RAB14: variants seen among roughly 807,000 people sequenced by gnomAD.
The protein encoded by RAB14 is ras-related protein Rab-14.
RAB14 carries 3 observed loss-of-function variants against 31.1 expected under a neutral mutation model. The observed-to-expected ratio is 0.10, with a 90% CI of 0.04 to 0.25. RAB14 has a LOEUF of 0.25. Among genes scored for constraint, RAB14 ranks in the 10% least tolerant of loss-of-function variants. RAB14 has a pLI of 1.00. For missense variants in RAB14, 111 were observed against 260.1 expected, an observed-to-expected ratio of 0.43 and a Z score of 3.94; for synonymous variants, 85 against 84.9, an observed-to-expected ratio of 1.00 and a Z score of 0.00.
intron 1 of RAB14, among the ~76,000 whole-genome samples, chr9:121,194,594 T>C (rs1350647724): frequency 3.3e-5 from 5 of 152,090 alleles, no homozygotes; most frequent in African/African-American, 9.7e-5. Flanking sequence ...AAATTATTTA[T>C]ACATATAAAG....
chr9:121,183,480 C>G, intron 5 of RAB14, 82 bp from the exon 6 acceptor site: 2 of 1,112,468 alleles, frequency 1.8e-6, no homozygotes, highest in East Asian at 2.4e-5. Flanking sequence ...ATCCAAAAAT[C>G]TTGATAGAAA....
chr9:121,195,833 T>C (rs1019204459), intron 1 of RAB14, among the ~76,000 whole-genome samples: 4 of 152,180 alleles, frequency 2.6e-5, no homozygotes, highest in African/African-American at 9.6e-5. Flanking sequence ...CTTCCCTTTC[T>C]TATTCTAAGA....
At chr9:121,198,142 T>C (rs981623945) in intron 1 of RAB14, among the ~76,000 whole-genome samples, 1 of 152,258 alleles carries the variant, frequency 6.6e-6, no homozygotes. Flanking sequence ...CTTTTCTTTA[T>C]ATATCCCTGC....
chr9:121,193,759 T>C (rs2053699060), intron 1 of RAB14, among the ~76,000 whole-genome samples: 1 of 152,152 alleles, frequency 6.6e-6, no homozygotes, highest in South Asian at 2.1e-4. Flanking sequence ...AAAATCTTTA[T>C]AAATTTAAGT....
Position 121,198,764 on chromosome 9 carries a change from C to T in RAB14, c.-8+2875G>A, listed in dbSNP as rs1214619353. Reference sequence around the variant, plus strand: ...AAAAAGACAACACTGTCTCTGCCTTCGTGGAACTCAACAACAGAAGCATGC... The same window carrying T: ...AAAAAGACAACACTGTCTCTGCCTTTGTGGAACTCAACAACAGAAGCATGC... On this transcript the variant is annotated intron_variant, in intron 1 of 7. Coordinates refer to ENST00000373840, the MANE Select transcript of RAB14 (RefSeq NM_016322.4). Among the ~76,000 whole-genome samples, 5 of 152,294 alleles carry T rather than the reference C, an allele frequency of 3.3e-5. No homozygotes were observed. In the East Asian group the frequency reaches 9.6e-4, roughly 29 times the overall value.
chr9:121,188,639 A>C (rs756555607), intron 4 of RAB14, among the ~76,000 whole-genome samples: 5 of 151,948 alleles, frequency 3.3e-5, no homozygotes, highest in African/African-American at 4.8e-5. Context: ...CCCTGTAACA[A>C]TGAGAGTTAA....
At chr9:121,194,337 C>G (rs555004069) in intron 1 of RAB14, among the ~76,000 whole-genome samples, 3 of 152,240 alleles carry the variant, frequency 2.0e-5, no homozygotes, top group African/African-American at 7.2e-5. Flanking sequence ...AATTTGAAAG[C>G]TTGTGTATTA....
In RAB14 at chr9:121,180,584, T is replaced by C. The variant is rs1216628763; in HGVS notation, c.*812A>G. Reference sequence around the variant, plus strand: ...TACTTGTGAACTGCAGTTGTGTCTATTTCTTTGTGTGAAATGGAAGGGAGT... The same window carrying C: ...TACTTGTGAACTGCAGTTGTGTCTACTTCTTTGTGTGAAATGGAAGGGAGT... On this transcript the variant is annotated 3_prime_UTR_variant, in exon 8 of 8. Transcript: ENST00000373840. 2 of 152,638 alleles carry C rather than the reference T, an allele frequency of 1.3e-5. No individual in the cohort carries two copies. The highest frequency in any genetic ancestry group is 1.5e-5 in the Non-Finnish European group (1 of 68,044). The allele number at this position is 152,638 out of a possible 1,614,324, so 9.5% of individuals were successfully genotyped here. A position where few individuals can be genotyped will look rare whatever the true frequency, so the allele number is the denominator to read the frequency against.
chr9:121,201,642 G>C lies in RAB14; in HGVS notation c.-11C>G, dbSNP rs2132036724. Reference sequence around the variant, plus strand: ...CACTACGGAAGGCCCGGGTTACCTGGGGGGTTGCTGGTGGCTGGGCAGCTT... The same window carrying C: ...CACTACGGAAGGCCCGGGTTACCTGCGGGGTTGCTGGTGGCTGGGCAGCTT... On this transcript the variant is annotated 5_prime_UTR_variant, in exon 1 of 8. Coordinates refer to ENST00000373840, the MANE Select transcript of RAB14 (RefSeq NM_016322.4). The C allele has an allele frequency of 6.5e-6, 1 of 152,732 alleles. No homozygotes were observed. The highest frequency in any genetic ancestry group is 3.4e-3 in the Middle Eastern group (1 of 294). 9.5% of individuals were successfully genotyped at this position (152,732 alleles called of 1,614,324 possible).
At chr9:121,196,229 G>A (rs374784326) in intron 1 of RAB14, among the ~76,000 whole-genome samples, 1 of 151,762 alleles carries the variant, frequency 6.6e-6, no homozygotes, top group African/African-American at 2.4e-5. Context: ...TACAACTACC[G>A]GGACAATTAA....
In RAB14 at chr9:121,193,277, G is replaced by C; in HGVS notation, c.52+84C>G. On this transcript the variant is annotated intron_variant, in intron 2 of 7. Coordinates refer to ENST00000373840, the MANE Select transcript of RAB14 (RefSeq NM_016322.4). ...AGTAAGAAAATCACTCAGTCCTGAAGTGGTACTGTTTAAGTATTAACATAT... is the reference window on the plus strand; with the variant it reads ...AGTAAGAAAATCACTCAGTCCTGAACTGGTACTGTTTAAGTATTAACATAT... 6 of 897,140 alleles carry C rather than the reference G, an allele frequency of 6.7e-6. No individual in the cohort carries two copies. The South Asian group carries it at 9.2e-5, about 14-fold the overall frequency. The allele number at this position is 897,140 out of a possible 1,614,324, so 55.6% of individuals were successfully genotyped here.
At chr9:121,188,643 G>A (rs181501517) in intron 4 of RAB14, among the ~76,000 whole-genome samples, 153 of 151,800 alleles carry the variant, frequency 1.0e-3, no homozygotes, top group African/African-American at 3.5e-3. Context: ...GTAACAATGA[G>A]AGTTAATGAC....
rs1291714726 is a variant in RAB14 at position 121,181,159 on chromosome 9, A to C, written c.*237T>G. 1 of 369,984 alleles carries C rather than the reference A, an allele frequency of 2.7e-6. No homozygotes were observed. The highest frequency in any genetic ancestry group is 4.8e-6 in the Non-Finnish European group (1 of 210,076). The allele number at this position is 369,984 out of a possible 1,614,324, so 22.9% of individuals were successfully genotyped here. A position where few individuals can be genotyped will look rare whatever the true frequency, so the allele number is the denominator to read the frequency against. On this transcript the variant is annotated 3_prime_UTR_variant, in exon 8 of 8. Coordinates refer to ENST00000373840, the MANE Select transcript of RAB14 (RefSeq NM_016322.4). The stretch of plus-strand genomic sequence containing the variant: ...ATACTTATCACGAGGACAAGGGGGA[A>C]AAAAAGTCTAGATTTACCATGCAGG...
At chr9:121,185,569 C>G (rs1387085708) in intron 5 of RAB14, among the ~76,000 whole-genome samples, 2 of 152,112 alleles carry the variant, frequency 1.3e-5, no homozygotes, top group South Asian at 4.1e-4. Context: ...CCCTCCACCC[C>G]CTTTGCTAAT....
Position 121,183,303 on chromosome 9 carries a change from A to C in RAB14, c.439+8T>G, listed in dbSNP as rs1223807438. ...CAATTGTGACCATTAAGTCTTAAAG[A>C]AACTCACCATTTTCTTCAGCAAACT... is the stretch of plus-strand genomic sequence containing the variant. On this transcript the variant is annotated splice_region_variant and intron_variant, in intron 6 of 7. Coordinates refer to ENST00000373840, the MANE Select transcript of RAB14 (RefSeq NM_016322.4). 1 of 1,596,942 alleles carries C rather than the reference A, an allele frequency of 6.3e-7. No individual in the cohort carries two copies. The highest frequency in any genetic ancestry group is 1.7e-5 in the Admixed American group (1 of 59,756).
In RAB14 at chr9:121,189,685, C is replaced by T. The variant is rs145109935; in HGVS notation, c.284+869G>A. ...TTCTTACTGCAGAACTTCCCAGAGT[C>T]TTAATATGCTAACGCACATTATGAC... On this transcript the variant is annotated intron_variant, in intron 4 of 7. Transcript: ENST00000373840. Among the ~76,000 whole-genome samples, 862 of 152,252 alleles carry T rather than the reference C, an allele frequency of 5.7e-3. 10 individuals carry two copies. The highest frequency in any genetic ancestry group is 0.019 in the African/African-American group (798 of 41,562).
At chr9:121,189,513 C>A (rs1243089239) in intron 4 of RAB14, among the ~76,000 whole-genome samples, 1 of 152,014 alleles carries the variant, frequency 6.6e-6, no homozygotes, top group Admixed American at 6.6e-5. Flanking sequence ...TTTGAGGCCA[C>A]CCAATTCTAG....
chr9:121,183,282 T>C (rs2053643377), intron 6 of RAB14, 29 bp downstream of exon 6: 7 of 1,548,750 alleles, frequency 4.5e-6, no homozygotes, highest in Non-Finnish European at 6.2e-6. Context: ...TTCTCCCAAT[T>C]GTGACCATTA....
At position 121,186,988 on chromosome 9, in the gene RAB14, AC is replaced by A; in HGVS notation, c.315del (p.Trp105CysfsTer2). On this transcript the variant is annotated frameshift_variant, in exon 5 of 8. Coordinates refer to ENST00000373840, the MANE Select transcript of RAB14 (RefSeq NM_016322.4). LOFTEE classifies it high-confidence loss of function. ...TTGGTGAGATTCCTTGCATCTGTCAACCAGCTGCTTAAGTGGTTATATGTAC... is the reference window on the plus strand; with the variant it reads ...TTGGTGAGATTCCTTGCATCTGTCAACAGCTGCTTAAGTGGTTATATGTAC... ...RRSTYNHLSS[W>X]LTDARNLTNP... The A allele has an allele frequency of 6.4e-7, 1 of 1,570,830 alleles. No individual in the cohort carries two copies. Among genetic ancestry groups the A allele is most frequent in the Non-Finnish European group, 8.6e-7 (1 of 1,158,986 alleles).
Sources: gnomAD v4.1 joint callset for allele counts (sites outside exome capture counted in the v4.1 genomes callset) on GRCh38, gnomAD v4.1.1 for gene constraint, MANE v1.5 for transcripts, NCBI Gene and HGNC (gene_info 2026-07-23, HGNC 2026-07-21) for gene names.